Variants in EPHA6 observed in about 807,000 individuals in gnomAD.
EPHA6 encodes the protein EPH receptor A6.
Under a neutral mutation model 112.0 loss-of-function variants are expected in EPHA6, and 50 were observed. The ratio of observed to expected loss-of-function variants is 0.45; its 90% CI spans 0.36 to 0.56. The LOEUF is 0.56. Ranked by LOEUF, EPHA6 falls within the 20% of genes least tolerant of loss-of-function variation. The pLI is 0.00. For missense variants in EPHA6, 1,280 were observed against 1,417.4 expected (o/e 0.90, Z 1.56); for synonymous variants, 529 against 490.7 (o/e 1.08, Z -1.03).
chr3:97,678,937 C>G (rs1008676554), intron 14 of EPHA6, among the ~76,000 whole-genome samples: 1 of 152,138 alleles, frequency 6.6e-6, no homozygotes, highest in East Asian at 1.9e-4. Context: ...GAGACCCAAT[C>G]TGAAACTCTA....
Position 97,252,659 on chromosome 3 carries a change from G to T in EPHA6, c.1606+8372G>T, listed in dbSNP as rs139379497. 2.3e-3 allele frequency among the ~76,000 whole-genome samples: 357 copies of T among 152,292 alleles called. 1 individual carries two copies. The highest frequency in any genetic ancestry group is 8.1e-3 in the African/African-American group (337 of 41,548). On this transcript the variant is annotated intron_variant, in intron 5 of 17. Transcript: ENST00000389672. ...ACTGCATGGCTAAGAGTGGGGGAGTGTGCCAGGGAGAACGCATCCTGTGGA... is the reference window on the plus strand; with the variant it reads ...ACTGCATGGCTAAGAGTGGGGGAGTTTGCCAGGGAGAACGCATCCTGTGGA...
At chr3:97,575,441 A>C (rs1252458946) in intron 11 of EPHA6, among the ~76,000 whole-genome samples, 1 of 152,214 alleles carries the variant, frequency 6.6e-6, no homozygotes, top group African/African-American at 2.4e-5. Flanking sequence ...GTATATAGAG[A>C]GTAATCTCAT....
At chr3:97,458,540 G>GTA (rs1266132721) in intron 7 of EPHA6, among the ~76,000 whole-genome samples, 2 of 151,848 alleles carry the variant, frequency 1.3e-5, no homozygotes. Context: ...GTAAGTGTGT[G>GTA]TATATATATG....
intron 1 of EPHA6, among the ~76,000 whole-genome samples, chr3:96,838,732 A>G (rs1308693141): frequency 6.6e-6 from 1 of 152,160 alleles, no homozygotes; most frequent in East Asian, 1.9e-4. Flanking sequence ...TGGTTCATTT[A>G]TACAGTGATC....
chr3:97,211,494 G>T (rs1478583553), intron 3 of EPHA6, among the ~76,000 whole-genome samples: 1 of 152,152 alleles, frequency 6.6e-6, no homozygotes, highest in African/African-American at 2.4e-5. Context: ...CAAGATCAAG[G>T]CACCAGAAGA....
intron 3 of EPHA6, among the ~76,000 whole-genome samples, chr3:97,198,146 A>AT (rs2077487803): frequency 6.6e-6 from 1 of 151,968 alleles, no homozygotes; most frequent in Admixed American, 6.6e-5. Flanking sequence ...CACTCACCTG[A>AT]TTTTTGTTCC....
At chr3:97,278,530 A>G (rs1373434286) in intron 5 of EPHA6, among the ~76,000 whole-genome samples, 1 of 152,202 alleles carries the variant, frequency 6.6e-6, no homozygotes, top group Non-Finnish European at 1.5e-5. Flanking sequence ...CAAACTGTCA[A>G]GCAAAAAACT....
At chr3:97,299,940 T>C (rs1162924054) in intron 5 of EPHA6, among the ~76,000 whole-genome samples, 1 of 152,194 alleles carries the variant, frequency 6.6e-6, no homozygotes, top group Non-Finnish European at 1.5e-5. Context: ...TGCATACCGT[T>C]GTTTAATTTA....
chr3:97,010,665 T>C (rs1448192812), intron 3 of EPHA6, among the ~76,000 whole-genome samples: 1 of 152,106 alleles, frequency 6.6e-6, no homozygotes, highest in African/African-American at 2.4e-5. Flanking sequence ...TTTATTTATT[T>C]ATTTATTTAT....
Position 97,430,089 on chromosome 3 carries a change from ATAGTT to A in EPHA6, c.1732-18477_1732-18473del, listed in dbSNP as rs1234024972. Among the ~76,000 whole-genome samples, 72 of 152,304 alleles carry A rather than the reference ATAGTT, an allele frequency of 4.7e-4. 1 individual carries two copies. Among genetic ancestry groups the A allele is most frequent in the African/African-American group, 1.5e-3 (61 of 41,582 alleles). On this transcript the variant is annotated intron_variant, in intron 6 of 17. Coordinates refer to ENST00000389672, the MANE Select transcript of EPHA6 (RefSeq NM_001080448.3). ...TTTTAAATTAATTTTTAAATATCAC[ATAGTT>A]TTATTTATAAATGAAATTAAAGAAT...
intron 3 of EPHA6, among the ~76,000 whole-genome samples, chr3:97,036,299 A>G (rs1316830476): frequency 6.6e-6 from 1 of 152,052 alleles, no homozygotes; most frequent in African/African-American, 2.4e-5. Flanking sequence ...TTTTATAGAA[A>G]TAGTATTAGG....
chr3:96,900,677 G>C (rs2038555994), intron 2 of EPHA6, among the ~76,000 whole-genome samples: 1 of 152,222 alleles, frequency 6.6e-6, no homozygotes, highest in Admixed American at 6.5e-5. Flanking sequence ...TACTGAATAA[G>C]AAGATTCACA....
intron 3 of EPHA6, among the ~76,000 whole-genome samples, chr3:97,017,584 A>G (rs868293507): frequency 1.3e-5 from 2 of 152,130 alleles, no homozygotes; most frequent in Admixed American, 6.5e-5. Context: ...CTGGACTCAC[A>G]GCCAGTGGAC....
intron 14 of EPHA6, among the ~76,000 whole-genome samples, chr3:97,714,271 C>T (rs1349724273): frequency 6.6e-6 from 1 of 152,182 alleles, no homozygotes; most frequent in African/African-American, 2.4e-5. Context: ...CTAAGAGGTG[C>T]TTTATGTGTA....
chr3:97,087,373 A>G (rs2046935368), intron 3 of EPHA6, among the ~76,000 whole-genome samples: 1 of 152,148 alleles, frequency 6.6e-6, no homozygotes, highest in Non-Finnish European at 1.5e-5. Context: ...GGCTAAATTT[A>G]GCATGGGAGA....
chr3:96,945,933 T>C (rs913086460), intron 2 of EPHA6, among the ~76,000 whole-genome samples: 3 of 152,114 alleles, frequency 2.0e-5, no homozygotes, highest in African/African-American at 7.2e-5. Flanking sequence ...GTGTCTACCA[T>C]TATAGTATCA....
rs571238053 is a variant in EPHA6, at chr3:96,816,866, G to C, written c.385+1858G>C. On this transcript the variant is annotated intron_variant, in intron 1 of 17. Coordinates refer to ENST00000389672, the MANE Select transcript of EPHA6 (RefSeq NM_001080448.3). ...AGATGTTATTTATTAACCTCTTCCA[G>C]TAATTTTTATTTGCTTATCTATTTT... is the stretch of plus-strand genomic sequence containing the variant. Among the ~76,000 whole-genome samples, 3 of 152,036 alleles carry C rather than the reference G, an allele frequency of 2.0e-5. No homozygotes were observed. In the East Asian group the frequency reaches 5.8e-4, roughly 29 times the overall value.
intron 6 of EPHA6, among the ~76,000 whole-genome samples, chr3:97,439,849 A>T (rs767055296): frequency 6.6e-6 from 1 of 152,156 alleles, no homozygotes; most frequent in Non-Finnish European, 1.5e-5. Flanking sequence ...TGTGAGCTGA[A>T]AGGTATCCTA....
In EPHA6 at chr3:97,055,992, A is replaced by G. The variant is rs143089052; in HGVS notation, c.1114+67999A>G. On this transcript the variant is annotated intron_variant, in intron 3 of 17. Transcript: ENST00000389672. ...CACTTAAAATATATTCTAAACTTAC[A>G]TATTCTATACTTATGATTTGCCTAA... 9.8e-4 allele frequency among the ~76,000 whole-genome samples: 149 copies of G among 152,238 alleles called. 1 individual carries two copies. The highest frequency in any genetic ancestry group is 3.4e-3 in the African/African-American group (143 of 41,558).
Sources: allele counts gnomAD v4.1 joint callset (sites outside exome capture counted in the v4.1 genomes callset), GRCh38; gene constraint gnomAD v4.1.1; transcripts MANE v1.5; gene names NCBI Gene and HGNC (gene_info 2026-07-23, HGNC 2026-07-21).